PHEX: variants seen among roughly 807,000 people sequenced by gnomAD.
PHEX encodes phosphate regulating endopeptidase X-linked, also known as phosphate-regulating neutral endopeptidase PHEX.
A neutral mutation model predicts 68.0 loss-of-function variants in PHEX; 16 were observed. The observed-to-expected ratio is 0.24, with a 90% confidence interval of 0.16 to 0.36. PHEX has a LOEUF of 0.36. PHEX is among the 10% of genes least tolerant of loss of function. The pLI is 1.00. For synonymous variants in PHEX, 208 were observed against 205.1 expected (o/e 1.01, Z -0.12); for missense variants, 480 against 575.5 (o/e 0.83, Z 1.70).
chrX:22,130,329 C>G (rs1368287973), intron 11 of PHEX, among the ~76,000 whole-genome samples: 2 of 110,706 alleles, frequency 1.8e-5, no homozygotes, highest in Non-Finnish European at 3.8e-5. Flanking sequence ...CACCTGAGCT[C>G]GGAGGTTCGA....
At chrX:22,041,694 C>G (rs1049407175) in intron 2 of PHEX, among the ~76,000 whole-genome samples, 21 of 110,414 alleles carry the variant, frequency 1.9e-4, no homozygotes, top group African/African-American at 6.6e-4. Flanking sequence ...TTTATGTCAC[C>G]TGGTGCTTTG....
intron 6 of PHEX, among the ~76,000 whole-genome samples, chrX:22,091,436 C>T (rs183372637): frequency 8.9e-6 from 1 of 112,070 alleles, no homozygotes; most frequent in Admixed American, 9.4e-5. Flanking sequence ...TCCACTTGGT[C>T]CCTCTTTTCT....
Position 22,065,056 on chromosome X carries a change from G to A in PHEX, c.350-11332G>A, listed in dbSNP as rs181802628. Among the ~76,000 whole-genome samples, 44 of 112,500 alleles carry A rather than the reference G, an allele frequency of 3.9e-4. 2 individuals are homozygous for A. The Admixed American group carries it at 4.0e-3, about 10-fold the overall frequency. On this transcript the variant is annotated intron_variant, in intron 3 of 21. Transcript: ENST00000379374. ...CATTCCATGTAAAAAGGCACTACCC[G>A]TAACAGGAAAATTAATTATATGCTG...
At position 22,248,589 on chromosome X, in the gene PHEX, C is replaced by G. The variant is rs986236861; in HGVS notation, c.*636C>G. The G allele has an allele frequency of 1.8e-4, 20 of 113,757 alleles. No homozygotes were observed. In the South Asian group the frequency reaches 4.3e-3, roughly 25 times the overall value. 9.4% of individuals were successfully genotyped at this position (113,757 alleles called of 1,213,427 possible). A position where few individuals can be genotyped will look rare whatever the true frequency, so the allele number is the denominator to read the frequency against. On this transcript the variant is annotated 3_prime_UTR_variant, in exon 22 of 22. Transcript: ENST00000379374. Reference sequence around the variant, plus strand: ...CTTGCATCTGATGTAGCAGATTGCCCTGTTCAAGTCAGCATGAACAAAGCT... The same window carrying G: ...CTTGCATCTGATGTAGCAGATTGCCGTGTTCAAGTCAGCATGAACAAAGCT...
chrX:22,244,326 C>T (rs1055502378), intron 20 of PHEX, among the ~76,000 whole-genome samples: 4 of 110,835 alleles, frequency 3.6e-5, no homozygotes, highest in Non-Finnish European at 5.7e-5. Context: ...GGAGAAATGC[C>T]TAATGTAGAT....
chrX:22,240,934 A>C (rs906648545), intron 20 of PHEX, among the ~76,000 whole-genome samples: 5 of 112,267 alleles, frequency 4.5e-5, no homozygotes, highest in Non-Finnish European at 7.5e-5. Flanking sequence ...ACAGGCATCT[A>C]CAGAACTGTC....
At chrX:22,193,975 C>G (rs1158410504) in intron 15 of PHEX, among the ~76,000 whole-genome samples, 1 of 111,868 alleles carries the variant, frequency 8.9e-6, no homozygotes, top group Admixed American at 9.5e-5. Flanking sequence ...GCAAGAAAAG[C>G]CGACGTTTCC....
chrX:22,064,352 A>C (rs1307730610), intron 3 of PHEX, among the ~76,000 whole-genome samples: 2 of 110,396 alleles, frequency 1.8e-5, no homozygotes, highest in Non-Finnish European at 3.8e-5. Context: ...CTTTCTGTCC[A>C]TGTGTTCTCT....
intron 10 of PHEX, among the ~76,000 whole-genome samples, chrX:22,111,939 C>T (rs1016486253): frequency 2.7e-5 from 3 of 111,666 alleles, no homozygotes; most frequent in African/African-American, 9.8e-5. Context: ...ATCTTTTATT[C>T]TCAGTATTCT....
chrX:22,208,332 G>A (rs184606996), intron 15 of PHEX, among the ~76,000 whole-genome samples: 6 of 111,714 alleles, frequency 5.4e-5, no homozygotes, highest in African/African-American at 2.0e-4. Flanking sequence ...AAGATAAATG[G>A]TATTTATATG....
chrX:22,113,005 TTGTGTGTG>T lies in PHEX; in HGVS notation c.1174-1411_1174-1404del, dbSNP rs560422828. 3.0e-3 allele frequency among the ~76,000 whole-genome samples: 268 copies of T among 88,699 alleles called. 2 individuals carry two copies. The highest frequency in any genetic ancestry group is 0.018 in the Middle Eastern group (3 of 171). The allele number at this position is 88,699 out of a possible 115,157, so 77.0% of individuals were successfully genotyped here. A position where few individuals can be genotyped will look rare whatever the true frequency, so the allele number is the denominator to read the frequency against. On this transcript the variant is annotated intron_variant, in intron 10 of 21. Transcript: ENST00000379374. ...GGTTAAGATACAAAACAAGTAGGTT[TTGTGTGTG>T]TGTGTGTGTGTGTGTGTGTGTGTGT...
At chrX:22,125,216 G>T (rs1436820323) in intron 11 of PHEX, among the ~76,000 whole-genome samples, 2 of 111,537 alleles carry the variant, frequency 1.8e-5, no homozygotes, top group African/African-American at 6.5e-5. Flanking sequence ...TTTCTTCAGG[G>T]TTATCCACAT....
At chrX:22,041,045 A>G (rs1157936186) in intron 2 of PHEX, among the ~76,000 whole-genome samples, 4 of 108,480 alleles carry the variant, frequency 3.7e-5, no homozygotes. Flanking sequence ...GGCCTATTGA[A>G]GGATTCGATG....
At chrX:22,081,586 G>C (rs987304500) in intron 5 of PHEX, among the ~76,000 whole-genome samples, 2 of 111,650 alleles carry the variant, frequency 1.8e-5, no homozygotes, top group African/African-American at 6.5e-5. Context: ...ATCCTTTTGG[G>C]TGAGCAGATG....
intron 16 of PHEX, among the ~76,000 whole-genome samples, chrX:22,216,489 ATGCT>A (rs770735972): frequency 3.8e-3 from 296 of 78,716 alleles, no homozygotes; most frequent in African/African-American, 0.015. Flanking sequence ...TTATTTTTTT[ATGCT>A]TATTTATTTA....
chrX:22,208,365 T>A (rs1934780955), intron 15 of PHEX, among the ~76,000 whole-genome samples: 1 of 112,536 alleles, frequency 8.9e-6, no homozygotes, highest in Non-Finnish European at 1.9e-5. Flanking sequence ...CCTTGCTTTA[T>A]GCCAACAACA....
intron 10 of PHEX, among the ~76,000 whole-genome samples, chrX:22,114,054 A>G (rs1044606155): frequency 2.9e-5 from 3 of 102,394 alleles, no homozygotes; most frequent in Non-Finnish European, 5.9e-5. Context: ...GGTTCACACA[A>G]TTCTCCCACC....
At chrX:22,059,124 T>G (rs775261791) in intron 3 of PHEX, among the ~76,000 whole-genome samples, 20 of 111,785 alleles carry the variant, frequency 1.8e-4, no homozygotes, top group East Asian at 1.4e-3. Flanking sequence ...CTTTGTTCTC[T>G]CTTCTTTCTT....
At chrX:22,246,524 T>C (rs1208743989) in intron 21 of PHEX, among the ~76,000 whole-genome samples, 1 of 112,178 alleles carries the variant, frequency 8.9e-6, no homozygotes, top group Admixed American at 9.5e-5. Context: ...TCATGAAGGC[T>C]GACGGTCTCG....
Sources: allele counts gnomAD v4.1 joint callset (sites outside exome capture counted in the v4.1 genomes callset), GRCh38; gene constraint gnomAD v4.1.1; transcripts MANE v1.5; gene names NCBI Gene and HGNC (gene_info 2026-07-23, HGNC 2026-07-21).